KCND2: variants seen among roughly 807,000 people sequenced by gnomAD.
The protein encoded by KCND2 is A-type voltage-gated potassium channel KCND2.
In KCND2, 16 loss-of-function variants were observed where a neutral mutation model predicts 54.4. That is an observed-to-expected ratio of 0.29 (90% CI 0.20 to 0.45). KCND2 has a LOEUF of 0.45. Ranked by LOEUF, KCND2 falls within the 20% of genes least tolerant of loss-of-function variation. KCND2 has a pLI of 1.00. For synonymous variants in KCND2, 317 were observed against 310.7 expected (o/e 1.02, Z -0.21); for missense variants, 486 against 824.2 (o/e 0.59, Z 5.02).
At chr7:120,404,788 T>TGTTC (rs1801326506) in intron 1 of KCND2, among the ~76,000 whole-genome samples, 1 of 151,738 alleles carries the variant, frequency 6.6e-6, no homozygotes, top group Admixed American at 6.6e-5. Flanking sequence ...TTTGTGAATT[T>TGTTC]GTCTTTTGTA....
chr7:120,691,372 C>T (rs1792266561), intron 1 of KCND2, among the ~76,000 whole-genome samples: 1 of 152,070 alleles, frequency 6.6e-6, no homozygotes, highest in Non-Finnish European at 1.5e-5. Context: ...GTGGTTTGAA[C>T]CAGGGTGTTG....
chr7:120,316,779 T>A (rs909381829), intron 1 of KCND2, among the ~76,000 whole-genome samples: 1 of 152,126 alleles, frequency 6.6e-6, no homozygotes, highest in East Asian at 1.9e-4. Context: ...TTTGTTGTAC[T>A]GAATTATTGT....
chr7:120,710,081 T>C (rs1275330954), intron 1 of KCND2, among the ~76,000 whole-genome samples: 2 of 152,196 alleles, frequency 1.3e-5, no homozygotes, highest in Non-Finnish European at 2.9e-5. Context: ...CACAGTCTAA[T>C]GCATCTTACT....
chr7:120,741,724 G>A (rs763575205), intron 3 of KCND2, 95 bp downstream of exon 3: 11 of 857,768 alleles, frequency 1.3e-5, no homozygotes, highest in Admixed American at 2.0e-5. Context: ...GGCTAATTAT[G>A]ACAATGGCTA....
chr7:120,626,157 CATAA>C, intron 1 of KCND2, among the ~76,000 whole-genome samples: 1 of 152,118 alleles, frequency 6.6e-6, no homozygotes, highest in South Asian at 2.1e-4. Flanking sequence ...TTTATTGCTT[CATAA>C]ATACATAGTT....
chr7:120,553,576 A>G lies in KCND2; in HGVS notation c.1116-179327A>G, dbSNP rs138288395. Among the ~76,000 whole-genome samples, 191 of 152,248 alleles carry G rather than the reference A, an allele frequency of 1.3e-3. 5 individuals carry two copies. Among genetic ancestry groups the G allele is most frequent in the Admixed American group, 9.0e-3 (138 of 15,280 alleles). The stretch of plus-strand genomic sequence containing the variant: ...AGGTATCTTGCAATACCTTCTGTAT[A>G]CTGTGTATTTCATATACTGTTTCTG... On this transcript the variant is annotated intron_variant, in intron 1 of 5. Transcript: ENST00000331113.
intron 1 of KCND2, among the ~76,000 whole-genome samples, chr7:120,372,834 G>A (rs1800782915): frequency 6.6e-6 from 1 of 151,836 alleles, no homozygotes; most frequent in Non-Finnish European, 1.5e-5. Flanking sequence ...AATACTCCAG[G>A]ATCAAAGCTC....
intron 1 of KCND2, among the ~76,000 whole-genome samples, chr7:120,449,605 G>A (rs1032592196): frequency 2.0e-5 from 3 of 152,246 alleles, no homozygotes; most frequent in African/African-American, 4.8e-5. Flanking sequence ...ATTTCATTGT[G>A]GTAAACTGGG....
At chr7:120,636,839 C>T (rs186922338) in intron 1 of KCND2, among the ~76,000 whole-genome samples, 7 of 152,182 alleles carry the variant, frequency 4.6e-5, no homozygotes, top group Non-Finnish European at 5.9e-5. Context: ...TACAATCTAC[C>T]AAGTGATATT....
intron 1 of KCND2, among the ~76,000 whole-genome samples, chr7:120,657,856 A>C (rs1554382135): frequency 6.6e-6 from 1 of 152,078 alleles, no homozygotes; most frequent in Non-Finnish European, 1.5e-5. Flanking sequence ...TCAAAAAAAA[A>C]AGAGAGAGAG....
At position 120,745,980 on chromosome 7, in the gene KCND2, C is replaced by T. The variant is rs1212749208; in HGVS notation, c.1668C>T (p.Leu556=). 14 of 1,613,662 alleles carry T rather than the reference C, an allele frequency of 8.7e-6. No individual in the cohort carries two copies. The highest frequency in any genetic ancestry group is 1.2e-5 in the Non-Finnish European group (14 of 1,179,772). Residue 556 remains leucine (L), a synonymous_variant, in exon 5 of 6, where the codon CTC becomes CTT. Coordinates refer to ENST00000331113, the MANE Select transcript of KCND2 (RefSeq NM_012281.3). ...SGSHQGSIQE[L]STIQIRCVER... ...GCCATCAAGGTAGTATACAAGAACT[C>T]AGCACGATTCAGATCAGATGTGTGG...
Position 120,536,286 on chromosome 7 carries a change from T to C in KCND2, c.1116-196617T>C, listed in dbSNP as rs184622006. Among the ~76,000 whole-genome samples, 3 of 152,274 alleles carry C rather than the reference T, an allele frequency of 2.0e-5. No individual in the cohort carries two copies. The East Asian group carries it at 5.8e-4, about 29-fold the overall frequency. Reference sequence around the variant, plus strand: ...AAAAAATGTTAACAATCATCTGGACTGTCAGTGAGTCTTAATCTTTTTACT... The same window carrying C: ...AAAAAATGTTAACAATCATCTGGACCGTCAGTGAGTCTTAATCTTTTTACT... On this transcript the variant is annotated intron_variant, in intron 1 of 5. Transcript: ENST00000331113.
intron 1 of KCND2, among the ~76,000 whole-genome samples, chr7:120,282,751 C>A (rs530984328): frequency 1.1e-4 from 17 of 152,162 alleles, no homozygotes; most frequent in African/African-American, 3.9e-4. Context: ...TTAACAATAT[C>A]AGTAATAGTG....
At chr7:120,681,429 C>T (rs1792138459) in intron 1 of KCND2, among the ~76,000 whole-genome samples, 1 of 151,964 alleles carries the variant, frequency 6.6e-6, no homozygotes, top group Non-Finnish European at 1.5e-5. Flanking sequence ...CACATTCCAA[C>T]TAAACACATG....
intron 1 of KCND2, among the ~76,000 whole-genome samples, chr7:120,409,115 T>G (rs1801409533): frequency 6.6e-6 from 1 of 151,902 alleles, no homozygotes; most frequent in Admixed American, 6.6e-5. Flanking sequence ...TTTATTCCAA[T>G]TTGGAAAACA....
rs533545372 is a variant in KCND2, at chr7:120,641,743, C to A, written c.1116-91160C>A. ...AAGTAAGAAACTTATTAAAACTTTTCCAAGCATATTCTTTTTTTTTTTTTT... is the reference window on the plus strand; with the variant it reads ...AAGTAAGAAACTTATTAAAACTTTTACAAGCATATTCTTTTTTTTTTTTTT... On this transcript the variant is annotated intron_variant, in intron 1 of 5. Transcript: ENST00000331113. Among the ~76,000 whole-genome samples, 6 of 143,184 alleles carry A rather than the reference C, an allele frequency of 4.2e-5. No homozygotes were observed. The Admixed American group carries it at 4.4e-4, about 11-fold the overall frequency. 93.9% of individuals were successfully genotyped at this position (143,184 alleles called of 152,430 possible).
chr7:120,497,514 A>G (rs1802867051), intron 1 of KCND2, among the ~76,000 whole-genome samples: 1 of 152,226 alleles, frequency 6.6e-6, no homozygotes. Flanking sequence ...ATAGAGATTT[A>G]TACTTCCCTA....
intron 1 of KCND2, among the ~76,000 whole-genome samples, chr7:120,628,863 T>G (rs183422153): frequency 2.5e-4 from 38 of 152,166 alleles, no homozygotes; most frequent in African/African-American, 7.7e-4. Context: ...TTCAATAAAT[T>G]TTTATTGTGT....
intron 1 of KCND2, among the ~76,000 whole-genome samples, chr7:120,295,734 T>A (rs1799503633): frequency 6.6e-6 from 1 of 152,082 alleles, no homozygotes; most frequent in Non-Finnish European, 1.5e-5. Flanking sequence ...CTGGATCCTC[T>A]AATTTATGCC....
Sources: gnomAD v4.1 joint callset for allele counts (sites outside exome capture counted in the v4.1 genomes callset) on GRCh38, gnomAD v4.1.1 for gene constraint, MANE v1.5 for transcripts, NCBI Gene and HGNC (gene_info 2026-07-23, HGNC 2026-07-21) for gene names.